Variants in FREM2 observed in about 807,000 individuals in gnomAD.
FREM2 encodes FRAS1 related extracellular matrix 2.
Under a neutral mutation model 219.9 loss-of-function variants are expected in FREM2, and 119 were observed. The ratio of observed to expected loss-of-function variants is 0.54; its 90% CI spans 0.47 to 0.63. FREM2 has a LOEUF of 0.63. Ranked by LOEUF, FREM2 falls within the 30% of genes least tolerant of loss-of-function variation. The pLI is 0.00. For synonymous variants in FREM2, 1,562 were observed against 1,522.8 expected (o/e 1.03, Z -0.60); for missense variants, 4,030 against 3,993.6 (o/e 1.01, Z -0.25).
chr13:38,862,277 G>A (rs11618985), intron 15 of FREM2, among the ~76,000 whole-genome samples: 5,556 of 152,288 alleles, frequency 0.036, 159 homozygotes, highest in African/African-American at 0.078. Flanking sequence ...AAGAACATCT[G>A]CTATGTCTTC....
At chr13:38,854,226 C>T (rs1395475300) in intron 11 of FREM2, among the ~76,000 whole-genome samples, 1 of 151,356 alleles carries the variant, frequency 6.6e-6, no homozygotes, top group Admixed American at 6.6e-5. Context: ...AAAACTTGAC[C>T]ACCGTCCAGC....
chr13:38,812,917 A>C (rs1435095856), intron 6 of FREM2, among the ~76,000 whole-genome samples: 2 of 136,336 alleles, frequency 1.5e-5, no homozygotes, highest in Admixed American at 7.2e-5. Context: ...AAAAACAAGC[A>C]AAAAAAAAAA....
At chr13:38,850,800 G>T (rs971619724) in intron 9 of FREM2, 144 bp from the exon 10 acceptor site, 1 of 851,442 alleles carries the variant, frequency 1.2e-6, no homozygotes, top group African/African-American at 1.7e-5. Context: ...GCAAATATCT[G>T]CTGAAGGCTT....
In FREM2 at chr13:38,848,656, ACT is replaced by A; in HGVS notation, c.6368_6369del (p.Ser2123CysfsTer6). 2 of 1,613,084 alleles carry A rather than the reference ACT, an allele frequency of 1.2e-6. No homozygotes were observed. The highest frequency in any genetic ancestry group is 1.7e-6 in the Non-Finnish European group (2 of 1,179,226). On this transcript the variant is annotated frameshift_variant, in exon 8 of 24. Coordinates refer to ENST00000280481, the MANE Select transcript of FREM2 (RefSeq NM_207361.6). LOFTEE classifies it high-confidence loss of function. Reference sequence around the variant, plus strand: ...AGCAAAGCCACAGTGTCCATAAATGACTCTGTCTCCGATTGTGAGTGTTTATT... The same window carrying A: ...AGCAAAGCCACAGTGTCCATAAATGACTGTCTCCGATTGTGAGTGTTTATT...
chr13:38,741,466 C>G (rs868237502), intron 2 of FREM2, among the ~76,000 whole-genome samples: 1 of 152,080 alleles, frequency 6.6e-6, no homozygotes, highest in Non-Finnish European at 1.5e-5. Flanking sequence ...AAAATGGGTG[C>G]TCAATAAATT....
intron 4 of FREM2, among the ~76,000 whole-genome samples, chr13:38,776,984 A>G (rs1326002598): frequency 6.6e-6 from 1 of 151,942 alleles, no homozygotes; most frequent in Admixed American, 6.6e-5. Context: ...AGCAGTTCCA[A>G]TCCAATGTGT....
chr13:38,837,357 C>A (rs1442982110), intron 6 of FREM2, among the ~76,000 whole-genome samples: 1 of 152,032 alleles, frequency 6.6e-6, no homozygotes, highest in Admixed American at 6.6e-5. Flanking sequence ...ATTTTACTTC[C>A]AATTATGTGG....
chr13:38,825,434 TAA>T (rs5802957), intron 6 of FREM2, among the ~76,000 whole-genome samples: 1 of 151,430 alleles, frequency 6.6e-6, no homozygotes, highest in East Asian at 1.9e-4. Flanking sequence ...CCTTATTTAT[TAA>T]AAAAAAACCC....
At chr13:38,860,454 C>A (rs1877720185) in intron 14 of FREM2, among the ~76,000 whole-genome samples, 1 of 152,186 alleles carries the variant, frequency 6.6e-6, no homozygotes, top group South Asian at 2.1e-4. Context: ...TCTAAATCAT[C>A]TATTTGCACA....
At position 38,688,061 on chromosome 13, in the gene FREM2, C is replaced by T. The variant is rs774262015; in HGVS notation, c.717C>T (p.Val239=). The stretch of plus-strand genomic sequence containing the variant: ...GAGAACTCCTCCACTACCCGCAGGT[C>T]CCTGGAGGAGCCAGAGAGGGAGGCG... The part of the protein sequence containing the change: ...RYGELLHYPQ[V]PGGAREGGAP... Residue 239 remains valine (V), a synonymous_variant, in exon 1 of 24, where the codon GTC becomes GTT. Transcript: ENST00000280481. The T allele has an allele frequency of 6.2e-7, 1 of 1,609,080 alleles. No homozygotes were observed. Among genetic ancestry groups the T allele is most frequent in the South Asian group, 1.1e-5 (1 of 90,924 alleles).
intron 1 of FREM2, among the ~76,000 whole-genome samples, chr13:38,692,912 A>G (rs1028431831): frequency 6.6e-6 from 1 of 152,238 alleles, no homozygotes; most frequent in African/African-American, 2.4e-5. Flanking sequence ...CTTTCTAAAT[A>G]CTGTTTATTC....
chr13:38,751,437 G>A (rs533449761), intron 2 of FREM2, among the ~76,000 whole-genome samples: 1 of 151,986 alleles, frequency 6.6e-6, no homozygotes, highest in Admixed American at 6.6e-5. Flanking sequence ...AAACCCTACA[G>A]AGCTTGACTC....
chr13:38,758,569 C>G (rs922592801), intron 2 of FREM2, among the ~76,000 whole-genome samples: 1 of 152,202 alleles, frequency 6.6e-6, no homozygotes, highest in Non-Finnish European at 1.5e-5. Flanking sequence ...AGGGTAAGAG[C>G]CAAGTCGGCT....
rs777009725 is a variant in FREM2, at chr13:38,688,965, G to A, written c.1621G>A (p.Gly541Ser). ...GGTGCTTCGCATGGTGGATGGAGGA[G>A]GCAGGCACCAGGTACAGTTTCTGTT... is the stretch of plus-strand genomic sequence containing the variant. The part of the protein sequence containing the change: ...NLVLRMVDGG[G>S]RHQVQFLFPI... The change falls in exon 1 of 24, where the codon GGC becomes AGC. Residue 541 changes from glycine (G) to serine (S), a missense_variant. By Grantham distance (56) the Gly-to-Ser change is moderately conservative (BLOSUM62 0). Around this residue, in one of 2 missense-constraint regions of FREM2, gnomAD observed 3,102 missense variants for 2,950.7 expected, o/e 1.05. Coordinates refer to ENST00000280481, the MANE Select transcript of FREM2 (RefSeq NM_207361.6). The A allele has an allele frequency of 6.2e-7, 1 of 1,613,610 alleles. No individual in the cohort carries two copies. Among genetic ancestry groups the A allele is most frequent in the East Asian group, 2.2e-5 (1 of 44,844 alleles).
intron 2 of FREM2, among the ~76,000 whole-genome samples, chr13:38,725,767 G>T (rs1234855425): frequency 6.6e-6 from 1 of 152,180 alleles, no homozygotes; most frequent in African/African-American, 2.4e-5. Context: ...GATCTATGGA[G>T]AGCTGGATTG....
intron 4 of FREM2, among the ~76,000 whole-genome samples, chr13:38,777,740 G>A (rs1000242522): frequency 2.0e-5 from 3 of 152,124 alleles, no homozygotes; most frequent in African/African-American, 7.2e-5. Context: ...TATTTATAAC[G>A]TGAAGTTGAA....
At chr13:38,845,406 T>C (rs184025998) in intron 6 of FREM2, among the ~76,000 whole-genome samples, 41 of 152,314 alleles carry the variant, frequency 2.7e-4, no homozygotes, top group Non-Finnish European at 5.4e-4. Context: ...TAAGGAACAG[T>C]AATGTGAGTT....
intron 3 of FREM2, among the ~76,000 whole-genome samples, chr13:38,767,040 G>C (rs187920060): frequency 3.3e-5 from 5 of 152,164 alleles, no homozygotes; most frequent in African/African-American, 1.2e-4. Flanking sequence ...AAATAGAGAG[G>C]CTGTGACATG....
At chr13:38,780,948 A>C (rs1027294505) in intron 4 of FREM2, among the ~76,000 whole-genome samples, 19 of 152,210 alleles carry the variant, frequency 1.2e-4, no homozygotes, top group African/African-American at 4.6e-4. Context: ...TTATCAAAAC[A>C]CAGGTGATAG....
Sources: gnomAD v4.1 joint callset for allele counts (sites outside exome capture counted in the v4.1 genomes callset) on GRCh38, gnomAD v4.1.1 for gene constraint, gnomAD v4.1.1 regional missense constraint, MANE v1.5 for transcripts, NCBI Gene and HGNC (gene_info 2026-07-23, HGNC 2026-07-21) for gene names.